Variants in KCNT2 observed in about 807,000 individuals in gnomAD.
KCNT2 encodes the protein potassium sodium-activated channel subfamily T member 2, also known as potassium channel subfamily T member 2.
In KCNT2, 67 loss-of-function variants were observed where a neutral mutation model predicts 153.8. The observed-to-expected ratio is 0.44, with a 90% CI of 0.36 to 0.53. KCNT2 has a LOEUF of 0.53. Ranked by LOEUF, KCNT2 falls within the 20% of genes least tolerant of loss-of-function variation. KCNT2 has a pLI of 0.00. For synonymous variants in KCNT2, 500 were observed against 458.8 expected, an observed-to-expected ratio of 1.09 and a Z score of -1.15; for missense variants, 975 against 1,354.8, an observed-to-expected ratio of 0.72 and a Z score of 4.40.
intron 16 of KCNT2, among the ~76,000 whole-genome samples, chr1:196,335,601 G>T (rs151059158): frequency 2.0e-5 from 3 of 152,096 alleles, no homozygotes; most frequent in Non-Finnish European, 4.4e-5. Context: ...TTTATGCAGC[G>T]CATGACTATT....
At position 196,333,910 on chromosome 1, in the gene KCNT2, T is replaced by C. The variant is rs760411663; in HGVS notation, c.1934A>G (p.Asp645Gly). Residue 645 changes from aspartate to glycine, a missense_variant, in exon 17 of 28, where the codon GAT becomes GGT. This residue lies in a region of KCNT2 where 325 missense variants were observed against 388.1 expected (regional missense o/e 0.84). Coordinates refer to ENST00000294725, the MANE Select transcript of KCNT2 (RefSeq NM_198503.5). ...ATCTTCTGATTGGTCACTTAGAAGA[T>C]CACATGTTTGAATCGATGATGTATC... ...VADTSSIQTC[D>G]LLSDQSEDET... 67 of 1,612,912 alleles carry C rather than the reference T, an allele frequency of 4.2e-5. No homozygotes were observed. The highest frequency in any genetic ancestry group is 5.5e-5 in the Non-Finnish European group (65 of 1,179,338).
chr1:196,395,129 T>G (rs545553776), intron 13 of KCNT2, among the ~76,000 whole-genome samples: 1 of 151,636 alleles, frequency 6.6e-6, no homozygotes, highest in Admixed American at 6.6e-5. Flanking sequence ...TGATTATATA[T>G]TCTTTTATAA....
chr1:196,321,611 G>A (rs1386097008), intron 19 of KCNT2, among the ~76,000 whole-genome samples: 1 of 151,938 alleles, frequency 6.6e-6, no homozygotes, highest in Non-Finnish European at 1.5e-5. Context: ...TATTGTGGTA[G>A]TATGGTTCAT....
intron 15 of KCNT2, among the ~76,000 whole-genome samples, chr1:196,341,269 C>G (rs1369252081): frequency 6.6e-6 from 1 of 151,952 alleles, no homozygotes; most frequent in African/African-American, 2.4e-5. Context: ...GCAAAATCAT[C>G]TAATACCAAG....
chr1:196,599,270 A>T (rs75733609), intron 1 of KCNT2, among the ~76,000 whole-genome samples: 1 of 152,248 alleles, frequency 6.6e-6, no homozygotes, highest in Non-Finnish European at 1.5e-5. Flanking sequence ...GTTTTCCCAC[A>T]GGGAGTTAAA....
chr1:196,312,132 G>C (rs191670762), intron 21 of KCNT2, among the ~76,000 whole-genome samples: 1 of 151,714 alleles, frequency 6.6e-6, no homozygotes, highest in East Asian at 1.9e-4. Flanking sequence ...TCTTCTTTTA[G>C]ATGTGTAAAT....
chr1:196,412,904 G>A (rs1461536954), intron 12 of KCNT2, among the ~76,000 whole-genome samples: 1 of 151,542 alleles, frequency 6.6e-6, no homozygotes, highest in Non-Finnish European at 1.5e-5. Context: ...ATGCACAAAT[G>A]TAACTTCAAA....
chr1:196,535,197 T>TGTAC lies in KCNT2; in HGVS notation c.96-42860_96-42857dup, dbSNP rs577256653. On this transcript the variant is annotated intron_variant, in intron 1 of 27. Coordinates refer to ENST00000294725, the MANE Select transcript of KCNT2 (RefSeq NM_198503.5). ...CAACATTCTAGGAGGAGTGTAAGAC[T>TGTAC]GTACCATGGCCCTCATCAAGTAAGG... is the stretch of plus-strand genomic sequence containing the variant. Among the ~76,000 whole-genome samples the TGTAC allele has an allele frequency of 1.0e-3, 152 of 152,338 alleles. 1 individual carries two copies. The highest frequency in any genetic ancestry group is 3.4e-3 in the Middle Eastern group (1 of 294).
At chr1:196,547,341 C>T (rs1013659872) in intron 1 of KCNT2, among the ~76,000 whole-genome samples, 14 of 151,726 alleles carry the variant, frequency 9.2e-5, no homozygotes, top group African/African-American at 3.4e-4. Flanking sequence ...AAAAACCTTG[C>T]CATTATTTAA....
At chr1:196,420,230 A>G (rs1488242702) in intron 12 of KCNT2, among the ~76,000 whole-genome samples, 2 of 151,820 alleles carry the variant, frequency 1.3e-5, no homozygotes, top group African/African-American at 4.8e-5. Context: ...TTTGTGATCT[A>G]GTCTACTATT....
At chr1:196,326,989 G>A (rs1311925738) in intron 18 of KCNT2, 100 bp from the exon 19 acceptor site, 2 of 663,682 alleles carry the variant, frequency 3.0e-6, no homozygotes, top group East Asian at 3.0e-5. Context: ...ATTGAACAAT[G>A]TAAATCCTTA....
At chr1:196,546,679 G>T (rs1327447242) in intron 1 of KCNT2, among the ~76,000 whole-genome samples, 1 of 150,790 alleles carries the variant, frequency 6.6e-6, no homozygotes, top group East Asian at 2.0e-4. Flanking sequence ...CTATTCTACT[G>T]TGGTGAAACA....
intron 12 of KCNT2, among the ~76,000 whole-genome samples, chr1:196,416,183 T>C (rs76869331): frequency 6.6e-6 from 1 of 151,978 alleles, no homozygotes; most frequent in African/African-American, 2.4e-5. Context: ...TCTTGAAGTA[T>C]TGCAGTGCTT....
intron 6 of KCNT2, among the ~76,000 whole-genome samples, chr1:196,468,499 G>A (rs1260896734): frequency 6.6e-6 from 1 of 152,048 alleles, no homozygotes; most frequent in Non-Finnish European, 1.5e-5. Context: ...GGATCATCAT[G>A]GAACTGATAA....
rs191693507 is a variant in KCNT2 at position 196,277,313 on chromosome 1, C to T, written c.2910+3547G>A. On this transcript the variant is annotated intron_variant, in intron 25 of 27. Transcript: ENST00000294725. ...ATTGCTGCATTTCATGGTGATCTGG[C>T]TGGATTACAAACTTAAAGAATCTCC... Among the ~76,000 whole-genome samples the T allele has an allele frequency of 5.9e-5, 9 of 152,188 alleles. No homozygotes were observed. The East Asian group carries it at 9.7e-4, about 16-fold the overall frequency.
At chr1:196,356,548 C>G (rs1017580350) in intron 14 of KCNT2, among the ~76,000 whole-genome samples, 5 of 151,780 alleles carry the variant, frequency 3.3e-5, no homozygotes, top group African/African-American at 1.2e-4. Context: ...AAATCCTGAG[C>G]TTACTTCAGA....
chr1:196,584,300 G>A (rs941999309), intron 1 of KCNT2, among the ~76,000 whole-genome samples: 7 of 152,036 alleles, frequency 4.6e-5, no homozygotes, highest in African/African-American at 1.7e-4. Context: ...AATAACATAC[G>A]CCTCAAATAA....
intron 14 of KCNT2, among the ~76,000 whole-genome samples, chr1:196,350,186 TA>T (rs1437414336): frequency 4.6e-5 from 7 of 152,184 alleles, no homozygotes; most frequent in Non-Finnish European, 1.0e-4. Context: ...TGTGTCTTTA[TA>T]GCAGCATGAT....
chr1:196,507,235 T>C (rs1456643870), intron 1 of KCNT2, among the ~76,000 whole-genome samples: 1 of 152,152 alleles, frequency 6.6e-6, no homozygotes, highest in Non-Finnish European at 1.5e-5. Context: ...AATGATATAG[T>C]TAAAATTTGA....
Sources: allele counts gnomAD v4.1 joint callset (sites outside exome capture counted in the v4.1 genomes callset), GRCh38; gene constraint gnomAD v4.1.1; regional missense constraint gnomAD v4.1.1; transcripts MANE v1.5; gene names NCBI Gene and HGNC (gene_info 2026-07-23, HGNC 2026-07-21).